ELAVL4: variants seen among roughly 807,000 people sequenced by gnomAD.
ELAVL4 encodes the protein ELAV-like protein 4.
In ELAVL4, 1 loss-of-function variant was observed where a neutral mutation model predicts 35.6. The ratio of observed to expected loss-of-function variants is 0.03; its 90% CI spans 0.01 to 0.13. The LOEUF (loss-of-function observed/expected upper bound fraction) is 0.13. ELAVL4 is among the 10% of genes least tolerant of loss of function. The pLI is 1.00. For missense variants in ELAVL4, 267 were observed against 464.9 expected, an observed-to-expected ratio of 0.57 and a Z score of 3.91; for synonymous variants, 156 against 171.0, an observed-to-expected ratio of 0.91 and a Z score of 0.69.
At chr1:50,105,275 G>A (rs1373295958), upstream of ELAVL4, among the ~76,000 whole-genome samples, 3 of 152,252 alleles carry the variant, frequency 2.0e-5, no homozygotes, top group East Asian at 5.8e-4. Flanking sequence ...TTTTGCTAAA[G>A]AGAAATATTT....
intron 1 of ELAVL4, among the ~76,000 whole-genome samples, chr1:50,051,051 G>A (rs1389232269): frequency 6.6e-6 from 1 of 152,020 alleles, no homozygotes; most frequent in Non-Finnish European, 1.5e-5. Context: ...TTTTGAGGTA[G>A]AAACAAGCCA....
chr1:50,069,522 C>T (rs1461140542), intron 1 of ELAVL4, among the ~76,000 whole-genome samples: 3 of 152,072 alleles, frequency 2.0e-5, no homozygotes, highest in Non-Finnish European at 2.9e-5. Flanking sequence ...TGAACTCTGG[C>T]CCAGAGAAGT....
At chr1:50,120,005 G>T (rs1668753052) in intron 1 of ELAVL4, among the ~76,000 whole-genome samples, 1 of 151,262 alleles carries the variant, frequency 6.6e-6, no homozygotes, top group Non-Finnish European at 1.5e-5. Context: ...CTTTTCTTGG[G>T]GGAAAAATAA....
At chr1:50,074,029 G>A (rs566566800) in intron 1 of ELAVL4, among the ~76,000 whole-genome samples, 2 of 152,280 alleles carry the variant, frequency 1.3e-5, no homozygotes, top group Admixed American at 1.3e-4. Flanking sequence ...GAGGTGAGTG[G>A]TGGCCAGCAG....
chr1:50,183,362 T>G (rs1389617337), intron 3 of ELAVL4, among the ~76,000 whole-genome samples: 2 of 151,974 alleles, frequency 1.3e-5, no homozygotes, highest in African/African-American at 4.8e-5. Context: ...TCTGAGCAAA[T>G]CTATGAGAGT....
At chr1:50,086,913 C>G (rs1208481348) in intron 1 of ELAVL4, among the ~76,000 whole-genome samples, 1 of 152,108 alleles carries the variant, frequency 6.6e-6, no homozygotes, top group African/African-American at 2.4e-5. Flanking sequence ...GCCAGTTCTT[C>G]ATTCTGAGCC....
At chr1:50,121,471 A>G (rs1669029078) in intron 1 of ELAVL4, among the ~76,000 whole-genome samples, 1 of 152,090 alleles carries the variant, frequency 6.6e-6, no homozygotes, top group African/African-American at 2.4e-5. Context: ...GTACTTATTA[A>G]GGGTTAGTAT....
intron 2 of ELAVL4, among the ~76,000 whole-genome samples, chr1:50,162,113 T>G (rs1676908522): frequency 6.6e-6 from 1 of 152,212 alleles, no homozygotes; most frequent in Non-Finnish European, 1.5e-5. Context: ...GAGGCCTCCT[T>G]GATTATAAAT....
rs183836351 is a variant in ELAVL4 at position 50,078,792 on chromosome 1, C to T, written c.18+30610C>T. On this transcript the variant is annotated intron_variant, in intron 1 of 6. Coordinates refer to the ELAVL4 transcript ENST00000448907. Reference sequence around the variant, plus strand: ...CTGTGCTCTCCCTGTGCAAATCCCACATCCTGCTGACACCACCCTCTCTTC... The same window carrying T: ...CTGTGCTCTCCCTGTGCAAATCCCATATCCTGCTGACACCACCCTCTCTTC... Among the ~76,000 whole-genome samples the T allele has an allele frequency of 6.6e-5, 10 of 152,338 alleles. No individual in the cohort carries two copies. In the East Asian group the frequency reaches 1.5e-3, roughly 23 times the overall value.
chr1:50,103,993 T>C, upstream of ELAVL4: 1 of 1,614,042 alleles, frequency 6.2e-7, no homozygotes, highest in Non-Finnish European at 8.5e-7. Context: ...TACAGTCATA[T>C]GGAACAGGTC....
intron 1 of ELAVL4, among the ~76,000 whole-genome samples, chr1:50,076,123 C>T (rs1329715208): frequency 6.6e-6 from 1 of 152,180 alleles, no homozygotes; most frequent in Non-Finnish European, 1.5e-5. Flanking sequence ...GCCACCGCAC[C>T]AGGCCAACTT....
intron 1 of ELAVL4, among the ~76,000 whole-genome samples, chr1:50,079,940 T>C (rs1233417093): frequency 6.6e-6 from 1 of 152,172 alleles, no homozygotes; most frequent in Non-Finnish European, 1.5e-5. Context: ...CTCTCTCTTT[T>C]GTTATTAAGC....
chr1:50,063,030 G>A (rs1572111376), intron 1 of ELAVL4, among the ~76,000 whole-genome samples: 1 of 152,114 alleles, frequency 6.6e-6, no homozygotes, highest in East Asian at 1.9e-4. Flanking sequence ...CATTCTGGTA[G>A]GATAATTGGA....
chr1:50,106,277 A>T, upstream of ELAVL4: 4 of 1,604,976 alleles, frequency 2.5e-6, no homozygotes, highest in Non-Finnish European at 3.4e-6. Flanking sequence ...CCGGCGACTG[A>T]TGCTGAGATA....
chr1:50,048,222 G>A, intron 1 of ELAVL4: 2 of 1,491,948 alleles, frequency 1.3e-6, no homozygotes, highest in Non-Finnish European at 8.9e-7. Context: ...CCCCGACTCT[G>A]CCCGCCCTCT....
chr1:50,064,002 G>T (rs1413995164), intron 1 of ELAVL4, among the ~76,000 whole-genome samples: 1 of 152,118 alleles, frequency 6.6e-6, no homozygotes, highest in Admixed American at 6.6e-5. Context: ...AGGGAAGGCA[G>T]GATTGAGTAT....
In ELAVL4 at chr1:50,131,620, TCTA is replaced by T. The variant is rs1330707809; in HGVS notation, c.10-13333_10-13331del. Among the ~76,000 whole-genome samples, 3 of 152,062 alleles carry T rather than the reference TCTA, an allele frequency of 2.0e-5. No individual in the cohort carries two copies. The East Asian group carries it at 5.8e-4, about 29-fold the overall frequency. ...CTAGCCAACATGGTGAAAACCTGTCTCTACTAAAAATACAAAAAAATTAGCTGG... is the reference window on the plus strand; with the variant it reads ...CTAGCCAACATGGTGAAAACCTGTCTCTAAAAATACAAAAAAATTAGCTGG... On this transcript the variant is annotated intron_variant, in intron 1 of 6. Coordinates refer to ENST00000371824, the MANE Select transcript of ELAVL4 (RefSeq NM_001144774.3).
intron 2 of ELAVL4, among the ~76,000 whole-genome samples, chr1:50,171,200 T>G (rs1572514852): frequency 6.6e-6 from 1 of 152,076 alleles, no homozygotes; most frequent in African/African-American, 2.4e-5. Context: ...CAATCATAGG[T>G]GCTCCAGAAC....
upstream of ELAVL4, chr1:50,103,915 A>T (rs1194807903): frequency 3.7e-6 from 6 of 1,613,142 alleles, no homozygotes; most frequent in Non-Finnish European, 5.1e-6. Context: ...GCTCAGTCTG[A>T]CTTGGAGTTT....
Sources: allele counts gnomAD v4.1 joint callset (sites outside exome capture counted in the v4.1 genomes callset), GRCh38; gene constraint gnomAD v4.1.1; transcripts MANE v1.5; gene names NCBI Gene and HGNC (gene_info 2026-07-23, HGNC 2026-07-21).